CACNG2: variants seen among roughly 807,000 people sequenced by gnomAD.
CACNG2 encodes calcium voltage-gated channel auxiliary subunit gamma 2.
In CACNG2, 3 loss-of-function variants were observed where a neutral mutation model predicts 25.9. The observed-to-expected ratio is 0.12, with a 90% CI of 0.05 to 0.30. CACNG2 has a LOEUF of 0.30. Ranked by LOEUF, CACNG2 falls within the 10% of genes least tolerant of loss-of-function variation. The pLI, the probability that CACNG2 is intolerant of heterozygous loss-of-function variation, is 1.00. For synonymous variants in CACNG2, 167 were observed against 173.3 expected (o/e 0.96, Z 0.29); for missense variants, 341 against 432.5 (o/e 0.79, Z 1.88).
At chr22:36,694,311 T>C (rs1601460370) in intron 1 of CACNG2, among the ~76,000 whole-genome samples, 2 of 152,162 alleles carry the variant, frequency 1.3e-5, no homozygotes, top group Admixed American at 1.3e-4. Flanking sequence ...GACAGGTCAT[T>C]TTACAATTAG....
Position 36,684,666 on chromosome 22 carries a change from A to G in CACNG2, c.211+17700T>C, listed in dbSNP as rs76341837. 3.6e-3 allele frequency among the ~76,000 whole-genome samples: 541 copies of G among 152,238 alleles called. 6 individuals carry two copies. Among genetic ancestry groups the G allele is most frequent in the African/African-American group, 0.012 (498 of 41,520 alleles). On this transcript the variant is annotated intron_variant, in intron 1 of 3. Transcript: ENST00000300105. ...AAAAGATATGTGTTTGATTAATAACAGTCCTGATTTAAAACAACAGCACTG... is the reference window on the plus strand; with the variant it reads ...AAAAGATATGTGTTTGATTAATAACGGTCCTGATTTAAAACAACAGCACTG...
chr22:36,667,866 G>A (rs563793855), intron 1 of CACNG2, among the ~76,000 whole-genome samples: 2 of 152,188 alleles, frequency 1.3e-5, no homozygotes, highest in South Asian at 4.2e-4. Flanking sequence ...TTGGTTTTTC[G>A]CTTTGCCAGA....
chr22:36,679,613 C>A (rs866434263), intron 1 of CACNG2, among the ~76,000 whole-genome samples: 3 of 152,084 alleles, frequency 2.0e-5, no homozygotes, highest in Non-Finnish European at 4.4e-5. Context: ...GACTTGGAGG[C>A]GATTGGTTGA....
chr22:36,658,787 G>C (rs1360579277), intron 1 of CACNG2, among the ~76,000 whole-genome samples: 1 of 152,170 alleles, frequency 6.6e-6, no homozygotes, highest in African/African-American at 2.4e-5. Context: ...GTGCTCCAGG[G>C]GGAATAGGCG....
intron 2 of CACNG2, among the ~76,000 whole-genome samples, chr22:36,582,405 TCTTTC>T (rs756288813): frequency 1.1e-4 from 16 of 144,976 alleles, no homozygotes; most frequent in East Asian, 8.0e-4. Context: ...GCTCTTTCTT[TCTTTC>T]TTTTTTTTTT....
chr22:36,596,827 G>A (rs909279223), intron 1 of CACNG2, among the ~76,000 whole-genome samples: 8 of 151,926 alleles, frequency 5.3e-5, no homozygotes, highest in Middle Eastern at 3.4e-3. Context: ...GTGTGATCAT[G>A]GCTCGCTGCA....
intron 1 of CACNG2, among the ~76,000 whole-genome samples, chr22:36,590,464 G>C (rs776546587): frequency 1.3e-5 from 2 of 152,158 alleles, no homozygotes; most frequent in Non-Finnish European, 2.9e-5. Flanking sequence ...GTAAGCCTGA[G>C]CCTAGTTGTC....
chr22:36,605,718 A>G (rs1935821281), intron 1 of CACNG2, among the ~76,000 whole-genome samples: 1 of 152,186 alleles, frequency 6.6e-6, no homozygotes, highest in African/African-American at 2.4e-5. Flanking sequence ...GGTAGGTGTG[A>G]TTATGTTTTG....
At chr22:36,685,844 A>T (rs1937189468) in intron 1 of CACNG2, among the ~76,000 whole-genome samples, 1 of 151,986 alleles carries the variant, frequency 6.6e-6, no homozygotes, top group Non-Finnish European at 1.5e-5. Flanking sequence ...TATTTTGTTC[A>T]TTATTACTAC....
intron 1 of CACNG2, among the ~76,000 whole-genome samples, chr22:36,684,584 C>T (rs1937170848): frequency 7.0e-6 from 1 of 143,250 alleles, no homozygotes; most frequent in Non-Finnish European, 1.5e-5. Context: ...CCACTGCCCT[C>T]CAGTCTGGGC....
chr22:36,681,552 G>GA (rs2146004299), intron 1 of CACNG2, among the ~76,000 whole-genome samples: 1 of 152,100 alleles, frequency 6.6e-6, no homozygotes, highest in South Asian at 2.1e-4. Flanking sequence ...ATTTTTTGGG[G>GA]GGCAGCCACT....
At chr22:36,698,699 G>A (rs1383919511) in intron 1 of CACNG2, among the ~76,000 whole-genome samples, 1 of 152,200 alleles carries the variant, frequency 6.6e-6, no homozygotes, top group Non-Finnish European at 1.5e-5. Context: ...CAGATATTCA[G>A]CAGAGGGAAT....
intron 1 of CACNG2, among the ~76,000 whole-genome samples, chr22:36,588,410 A>G (rs1262522380): frequency 2.0e-5 from 3 of 152,200 alleles, no homozygotes; most frequent in African/African-American, 4.8e-5. Flanking sequence ...TGAGCACGTG[A>G]ACTCTTGAAT....
chr22:36,623,985 C>T (rs1265838874), intron 1 of CACNG2, among the ~76,000 whole-genome samples: 1 of 152,102 alleles, frequency 6.6e-6, no homozygotes, highest in Non-Finnish European at 1.5e-5. Context: ...CTTGAAGGGC[C>T]TTTTGGCTTG....
chr22:36,668,805 G>T (rs1367128043), intron 1 of CACNG2, among the ~76,000 whole-genome samples: 1 of 152,116 alleles, frequency 6.6e-6, no homozygotes, highest in Non-Finnish European at 1.5e-5. Context: ...GCCCAGCCGG[G>T]TGTAAGTCTT....
intron 1 of CACNG2, among the ~76,000 whole-genome samples, chr22:36,680,643 TCATTATCAC>T (rs1251752061): frequency 2.2e-3 from 11 of 5,044 alleles, no homozygotes; most frequent in African/African-American, 3.2e-3. Context: ...AACACCACCA[TCATTATCAC>T]CACCATCACC....
At chr22:36,701,190 A>G (rs1474358230) in intron 1 of CACNG2, among the ~76,000 whole-genome samples, 2 of 152,130 alleles carry the variant, frequency 1.3e-5, no homozygotes, top group African/African-American at 4.8e-5. Flanking sequence ...ACAGAAGCAA[A>G]ACACATAAGC....
rs1223634681 is a variant in CACNG2 at position 36,561,305 on chromosome 22, G to C, written c.*3046C>G. On this transcript the variant is annotated 3_prime_UTR_variant, in exon 4 of 4. Transcript: ENST00000300105. ...CTTGGGGACCCTCCCTTCTCCCTTC[G>C]CTCTCATCCTTGATCCCTTTAGGTC... is the stretch of plus-strand genomic sequence containing the variant. 2 of 152,196 alleles carry C rather than the reference G, an allele frequency of 1.3e-5. No homozygotes were observed. Among genetic ancestry groups the C allele is most frequent in the Non-Finnish European group, 2.9e-5 (2 of 68,086 alleles). The allele number at this position is 152,196 out of a possible 1,614,324, so 9.4% of individuals were successfully genotyped here.
At chr22:36,670,769 C>G (rs1292092820) in intron 1 of CACNG2, among the ~76,000 whole-genome samples, 1 of 151,784 alleles carries the variant, frequency 6.6e-6, no homozygotes, top group Non-Finnish European at 1.5e-5. Flanking sequence ...GTAGCTGAGA[C>G]TACAGGGGAA....
Sources: allele counts gnomAD v4.1 joint callset (sites outside exome capture counted in the v4.1 genomes callset), GRCh38; gene constraint gnomAD v4.1.1; transcripts MANE v1.5; gene names NCBI Gene and HGNC (gene_info 2026-07-23, HGNC 2026-07-21).